The following XKR4 variants were observed in gnomAD, a reference collection of about 807,000 sequenced individuals.
XKR4 encodes XK-related protein 4.
In XKR4, 12 loss-of-function variants were observed where a neutral mutation model predicts 53.9. The ratio of observed to expected loss-of-function variants is 0.22; its 90% CI spans 0.14 to 0.36. The LOEUF is 0.36. Ranked by LOEUF, XKR4 falls within the 10% of genes least tolerant of loss-of-function variation. XKR4 has a pLI of 1.00. For missense variants in XKR4, 799 were observed against 859.5 expected (o/e 0.93, Z 0.88); for synonymous variants, 354 against 362.4 (o/e 0.98, Z 0.26).
chr8:55,112,979 A>T (rs1036960023), intron 1 of XKR4, among the ~76,000 whole-genome samples: 1 of 152,120 alleles, frequency 6.6e-6, no homozygotes, highest in Non-Finnish European at 1.5e-5. Flanking sequence ...GGCAGTCACA[A>T]ATACATACCT....
chr8:55,450,960 C>T (rs1427091165), intron 2 of XKR4: 4 of 506,676 alleles, frequency 7.9e-6, no homozygotes, highest in Non-Finnish European at 1.5e-5. Flanking sequence ...GGAGACTAGG[C>T]TGGGCTCAGC....
chr8:55,445,450 T>C (rs762800041), intron 2 of XKR4, among the ~76,000 whole-genome samples: 12 of 152,206 alleles, frequency 7.9e-5, no homozygotes, highest in Admixed American at 3.9e-4. Flanking sequence ...TTTAATTTTA[T>C]ATAAAGTGAC....
intron 1 of XKR4, among the ~76,000 whole-genome samples, chr8:55,160,433 A>G (rs915746025): frequency 3.3e-5 from 5 of 152,190 alleles, no homozygotes; most frequent in Non-Finnish European, 7.3e-5. Context: ...AACTAGAAGT[A>G]AAAGAGGCAG....
In XKR4 at chr8:55,527,144, G is replaced by A. The variant is rs1806891350; in HGVS notation, c.*2917G>A. On this transcript the variant is annotated 3_prime_UTR_variant, in exon 3 of 3. Transcript: ENST00000327381. Reference sequence around the variant, plus strand: ...AACAACTTTTACTTGTTTTCTAGATGCACAGATAACAGAGAGTTTAAAGTA... The same window carrying A: ...AACAACTTTTACTTGTTTTCTAGATACACAGATAACAGAGAGTTTAAAGTA... The A allele has an allele frequency of 1.3e-5, 2 of 152,186 alleles. No homozygotes were observed. Among genetic ancestry groups the A allele is most frequent in the South Asian group, 4.1e-4 (2 of 4,822 alleles). 9.4% of individuals were successfully genotyped at this position (152,186 alleles called of 1,614,324 possible). A position where few individuals can be genotyped will look rare whatever the true frequency, so the allele number is the denominator to read the frequency against.
At chr8:55,389,737 G>A (rs1804417482) in intron 2 of XKR4, among the ~76,000 whole-genome samples, 1 of 152,104 alleles carries the variant, frequency 6.6e-6, no homozygotes, top group African/African-American at 2.4e-5. Context: ...TGTAGTCTCA[G>A]TGCTTATTAA....
At chr8:55,276,557 G>A (rs1431474602) in intron 1 of XKR4, among the ~76,000 whole-genome samples, 1 of 152,206 alleles carries the variant, frequency 6.6e-6, no homozygotes, top group Non-Finnish European at 1.5e-5. Flanking sequence ...ACATTAATTT[G>A]TAGATAGAGA....
intron 1 of XKR4, among the ~76,000 whole-genome samples, chr8:55,325,312 A>C (rs994307182): frequency 2.6e-5 from 4 of 152,146 alleles, no homozygotes; most frequent in African/African-American, 9.7e-5. Flanking sequence ...TCTGAGCTTA[A>C]TGGATTGGGC....
intron 2 of XKR4, chr8:55,454,296 C>A: frequency 7.0e-7 from 1 of 1,432,880 alleles, no homozygotes; most frequent in Admixed American, 1.7e-5. Flanking sequence ...GCCTGGAAGG[C>A]CGCATTGACC....
At chr8:55,174,557 A>G (rs1030175149) in intron 1 of XKR4, among the ~76,000 whole-genome samples, 5 of 152,156 alleles carry the variant, frequency 3.3e-5, no homozygotes, top group African/African-American at 4.8e-5. Context: ...ATAAAAAAAA[A>G]ATACAGCAAC....
At position 55,403,238 on chromosome 8, in the gene XKR4, T is replaced by C. The variant is rs542201522; in HGVS notation, c.1006+45361T>C. On this transcript the variant is annotated intron_variant, in intron 2 of 2. Transcript: ENST00000327381. ...CATCTGCAGATTTCTATGTACATCT[T>C]TTTTAAATCACAGTTTTCATTAACT... Among the ~76,000 whole-genome samples the C allele has an allele frequency of 2.0e-5, 3 of 152,368 alleles. No homozygotes were observed. The East Asian group carries it at 5.8e-4, about 29-fold the overall frequency.
chr8:55,326,061 TG>T (rs554739777), intron 1 of XKR4, among the ~76,000 whole-genome samples: 52 of 152,328 alleles, frequency 3.4e-4, no homozygotes, highest in African/African-American at 1.2e-3. Flanking sequence ...CCGAAGAATG[TG>T]GGCTTGATCC....
At chr8:55,491,064 C>G (rs187184307) in intron 2 of XKR4, among the ~76,000 whole-genome samples, 2 of 152,034 alleles carry the variant, frequency 1.3e-5, no homozygotes, top group East Asian at 3.9e-4. Context: ...GGTTTCTATT[C>G]CTATGTATTC....
intron 1 of XKR4, among the ~76,000 whole-genome samples, chr8:55,191,683 TTC>T (rs754142755): frequency 0.04 from 5,201 of 131,254 alleles, 232 homozygotes; most frequent in African/African-American, 0.14. Context: ...TTTAGTACAA[TTC>T]TTTTTTTTTT....
At chr8:55,230,363 C>CTTTTTTT (rs5891564) in intron 1 of XKR4, among the ~76,000 whole-genome samples, 2 of 138,380 alleles carry the variant, frequency 1.4e-5, no homozygotes, top group Non-Finnish European at 1.5e-5. Context: ...GAAAGAGACA[C>CTTTTTTT]TTTTTTTTTT....
rs905881688 is a variant in XKR4, at chr8:55,530,744, T to C, written c.*6517T>C. ...TAAAATTAGAAGTCACTGATTTTTATAGGAAATAGCATGTAAAATAAATCT... is the reference window on the plus strand; with the variant it reads ...TAAAATTAGAAGTCACTGATTTTTACAGGAAATAGCATGTAAAATAAATCT... On this transcript the variant is annotated 3_prime_UTR_variant, in exon 3 of 3. Coordinates refer to ENST00000327381, the MANE Select transcript of XKR4 (RefSeq NM_052898.2). 1 of 152,230 alleles carries C rather than the reference T, an allele frequency of 6.6e-6. No individual in the cohort carries two copies. The highest frequency in any genetic ancestry group is 2.4e-5 in the African/African-American group (1 of 41,460). 9.4% of individuals were successfully genotyped at this position (152,230 alleles called of 1,614,324 possible). A position where few individuals can be genotyped will look rare whatever the true frequency, so the allele number is the denominator to read the frequency against.
At chr8:55,265,900 G>A (rs769810055) in intron 1 of XKR4, among the ~76,000 whole-genome samples, 17 of 151,930 alleles carry the variant, frequency 1.1e-4, no homozygotes, top group African/African-American at 1.9e-4. Context: ...CAGGAGAATC[G>A]CTTGAACCTG....
intron 1 of XKR4, among the ~76,000 whole-genome samples, chr8:55,238,269 G>C (rs1312201156): frequency 6.6e-6 from 1 of 152,176 alleles, no homozygotes; most frequent in African/African-American, 2.4e-5. Flanking sequence ...TAGGCCCAAG[G>C]CTGCTGGTTT....
Position 55,253,239 on chromosome 8 carries a change from T to TA in XKR4, c.807-104428dup, listed in dbSNP as rs35799778. ...TCTTCCTTCCTCAGCTCCATGGTAG[T>TA]AAAAAAAAAAATATGACTAAAACTT... On this transcript the variant is annotated intron_variant, in intron 1 of 2. Transcript: ENST00000327381. Among the ~76,000 whole-genome samples, 147 of 148,726 alleles carry TA rather than the reference T, an allele frequency of 9.9e-4. 1 individual carries two copies. Among genetic ancestry groups the TA allele is most frequent in the African/African-American group, 3.1e-3 (127 of 40,598 alleles).
At chr8:55,451,032 G>T (rs568807119) in intron 2 of XKR4, 2 of 552,010 alleles carry the variant, frequency 3.6e-6, no homozygotes, top group Non-Finnish European at 6.8e-6. Context: ...CACCTGCCGC[G>T]CCTGGAATAC....
Sources: gnomAD v4.1 joint callset for allele counts (sites outside exome capture counted in the v4.1 genomes callset) on GRCh38, gnomAD v4.1.1 for gene constraint, MANE v1.5 for transcripts, NCBI Gene and HGNC (gene_info 2026-07-23, HGNC 2026-07-21) for gene names.